Variants in TOP2B observed in about 807,000 individuals in gnomAD.
TOP2B encodes DNA topoisomerase II beta, also known as DNA topoisomerase 2-beta.
In TOP2B, 51 loss-of-function variants were observed where a neutral mutation model predicts 193.5. The ratio of observed to expected loss-of-function variants is 0.26; its 90% confidence interval spans 0.21 to 0.33. The LOEUF (loss-of-function observed/expected upper bound fraction) is 0.33, where lower values mean the gene tolerates loss of function less well. TOP2B is among the 10% of genes least tolerant of loss of function. The pLI is 1.00. For missense variants in TOP2B, 1,378 were observed against 1,909.3 expected (o/e 0.72, Z 5.19); for synonymous variants, 634 against 635.7 (o/e 1.00, Z 0.04).
At chr3:25,601,550 T>G (rs1702095784) in intron 33 of TOP2B, among the ~76,000 whole-genome samples, 1 of 151,630 alleles carries the variant, frequency 6.6e-6, no homozygotes, top group Admixed American at 6.6e-5. Context: ...ACCCGGGAGG[T>G]CGCAGTGAGC....
At position 25,598,102 on chromosome 3, in the gene TOP2B, A is replaced by G. The variant is rs992349305; in HGVS notation, c.*205T>C. ...TCTATAACAATTCTACAAGCCAATC[A>G]GACAGTACGTGACATTTCAATGAGT... On this transcript the variant is annotated 3_prime_UTR_variant, in exon 36 of 36. Coordinates refer to ENST00000264331, the MANE Select transcript of TOP2B (RefSeq NM_001330700.2). The G allele has an allele frequency of 8.3e-5, 35 of 419,896 alleles. No homozygotes were observed. Among genetic ancestry groups the G allele is most frequent in the Admixed American group, 4.7e-4 (11 of 23,610 alleles). The allele number at this position is 419,896 out of a possible 1,614,324, so 26.0% of individuals were successfully genotyped here. A position where few individuals can be genotyped will look rare whatever the true frequency, so the allele number is the denominator to read the frequency against.
intron 28 of TOP2B, 113 bp from the exon 29 acceptor site, chr3:25,609,825 G>T: frequency 1.9e-6 from 2 of 1,064,996 alleles, no homozygotes; most frequent in Non-Finnish European, 2.5e-6. Flanking sequence ...TAAAAACAGT[G>T]ATTCTGATGA....
chr3:25,604,517 A>T (rs1559491007), intron 33 of TOP2B, among the ~76,000 whole-genome samples: 1 of 152,222 alleles, frequency 6.6e-6, no homozygotes, highest in Non-Finnish European at 1.5e-5. Context: ...TTTTGTAGAA[A>T]GCTATCTTTA....
rs549547888 is a variant in TOP2B, at chr3:25,599,493, C to A, written c.4652G>T (p.Gly1551Val). The A allele has an allele frequency of 1.2e-6, 2 of 1,613,538 alleles. No homozygotes were observed. Among genetic ancestry groups the A allele is most frequent in the South Asian group, 2.2e-5 (2 of 90,990 alleles). ...GRGAKKRKAS[G>V]SENEGDYNPG... ...GTTATAATCGCCTTCATTTTCAGAG[C>A]CAGATGCTTTCCTTTTCTTTGCCCC... The change falls in exon 35 of 36, where the codon GGC (glycine) becomes GTC (valine). Residue 1551 changes from glycine to valine, a missense_variant. This residue lies in a region of TOP2B where 556 missense variants were observed against 584.2 expected (regional missense o/e 0.95). Transcript: ENST00000264331.
chr3:25,652,310 T>C (rs1432003920), intron 1 of TOP2B, among the ~76,000 whole-genome samples: 1 of 152,122 alleles, frequency 6.6e-6, no homozygotes, highest in Non-Finnish European at 1.5e-5. Context: ...TGAACAACAC[T>C]ATAGACCAAT....
chr3:25,663,379 T>A (rs1045860517), intron 1 of TOP2B, among the ~76,000 whole-genome samples: 1 of 152,214 alleles, frequency 6.6e-6, no homozygotes, highest in African/African-American at 2.4e-5. Flanking sequence ...CTAGGTTTTC[T>A]GTATAGGAAA....
chr3:25,663,008 T>G (rs190809854), intron 1 of TOP2B, among the ~76,000 whole-genome samples: 1 of 152,230 alleles, frequency 6.6e-6, no homozygotes, highest in Non-Finnish European at 1.5e-5. Flanking sequence ...TATCTGACAT[T>G]TTCTCTCCTG....
chr3:25,602,066 C>G (rs1702108850), intron 33 of TOP2B, among the ~76,000 whole-genome samples: 1 of 151,956 alleles, frequency 6.6e-6, no homozygotes, highest in South Asian at 2.1e-4. Flanking sequence ...AAAAATAGAC[C>G]TTGTTTTACA....
At chr3:25,611,970 C>T (rs1702382980) in intron 28 of TOP2B, among the ~76,000 whole-genome samples, 1 of 151,454 alleles carries the variant, frequency 6.6e-6, no homozygotes, top group Non-Finnish European at 1.5e-5. Flanking sequence ...GAGATGGAGT[C>T]TCACTCTTGT....
chr3:25,609,795 G>T (rs918335567), intron 28 of TOP2B, 83 bp from the exon 29 acceptor site: 1 of 1,324,768 alleles, frequency 7.5e-7, no homozygotes. Context: ...AACAGATAGC[G>T]CCTTCAAATC....
At chr3:25,613,825 G>C (rs1198553662) in intron 27 of TOP2B, among the ~76,000 whole-genome samples, 3 of 152,112 alleles carry the variant, frequency 2.0e-5, no homozygotes, top group African/African-American at 7.2e-5. Context: ...GATGAGGAAA[G>C]TGGGTGTCTG....
Position 25,598,050 on chromosome 3 carries a change from A to G in TOP2B, c.*257T>C, listed in dbSNP as rs529364831. 6 of 269,100 alleles carry G rather than the reference A, an allele frequency of 2.2e-5. No homozygotes were observed. Among genetic ancestry groups the G allele is most frequent in the Non-Finnish European group, 4.2e-5 (6 of 144,536 alleles). 16.7% of individuals were successfully genotyped at this position (269,100 alleles called of 1,614,324 possible). A position where few individuals can be genotyped will look rare whatever the true frequency, so the allele number is the denominator to read the frequency against. On this transcript the variant is annotated 3_prime_UTR_variant, in exon 36 of 36. Coordinates refer to ENST00000264331, the MANE Select transcript of TOP2B (RefSeq NM_001330700.2). ...AGGTCTGTAGTTTGTAACCATGACA[A>G]TTAAAATCTGTGCTAATGCACGGCA... is the stretch of plus-strand genomic sequence containing the variant.
chr3:25,647,383 G>C (rs972816966), intron 1 of TOP2B, among the ~76,000 whole-genome samples: 3 of 152,048 alleles, frequency 2.0e-5, no homozygotes, highest in East Asian at 3.8e-4. Context: ...CTATGGAATC[G>C]AAAGTAGGTA....
chr3:25,616,008 TAC>T (rs1702494799), intron 25 of TOP2B: 1 of 152,312 alleles, frequency 6.6e-6, no homozygotes, highest in Admixed American at 6.5e-5. Flanking sequence ...AAAATTATTT[TAC>T]AGTTATAATA....
rs533221214 is a variant in TOP2B, at chr3:25,644,467, A to G, written c.241-683T>C. On this transcript the variant is annotated intron_variant, in intron 2 of 35. Transcript: ENST00000264331. ...TGTAATCCTAGCACTCTGGGGGGCC[A>G]AGGTGGATGGATCACCTGAGGTCAG... Among the ~76,000 whole-genome samples the G allele has an allele frequency of 9.9e-5, 15 of 152,188 alleles. No homozygotes were observed. In the South Asian group the frequency reaches 1.2e-3, roughly 13 times the overall value.
rs1703097009 is a variant in TOP2B, at chr3:25,636,055, A to C, written c.733T>G (p.Ser245Ala). ...TCAAGTTTTTCCATCTTAAATTTGG[A>C]CAGATCTGGTTGGAATGTTATGCAT... ...YTCITFQPDL[S>A]KFKMEKLDKD... is the part of the protein sequence containing the mutation. The change falls in exon 7 of 36, where the codon TCC becomes GCC. Residue 245 changes from serine (S) to alanine (A), a missense_variant. Physicochemically the swap from Ser to Ala is moderately conservative, Grantham distance 99. This residue lies in a region of TOP2B where 222 missense variants were observed against 306.6 expected (regional missense o/e 0.72). Transcript: ENST00000264331. The C allele has an allele frequency of 6.2e-7, 1 of 1,613,188 alleles. No individual in the cohort carries two copies. The highest frequency in any genetic ancestry group is 8.5e-7 in the Non-Finnish European group (1 of 1,179,486).
intron 19 of TOP2B, 116 bp downstream of exon 19, chr3:25,624,566 T>C: frequency 6.5e-7 from 1 of 1,530,434 alleles, no homozygotes; most frequent in East Asian, 2.3e-5. Context: ...AATCTGTATA[T>C]TCTCTTAATT....
intron 33 of TOP2B, among the ~76,000 whole-genome samples, chr3:25,602,534 A>C (rs1394725701): frequency 6.6e-6 from 1 of 152,012 alleles, no homozygotes; most frequent in Non-Finnish European, 1.5e-5. Flanking sequence ...TTCTATGGAA[A>C]ATGTATTCCA....
At chr3:25,599,609 T>C (rs1239644947) in intron 34 of TOP2B, 80 bp from the exon 35 acceptor site, 1 of 1,328,968 alleles carries the variant, frequency 7.5e-7, no homozygotes, top group Non-Finnish European at 1.0e-6. Context: ...TGTAGTTTAT[T>C]TCTTTGGCAT....
Sources: allele counts gnomAD v4.1 joint callset (sites outside exome capture counted in the v4.1 genomes callset), GRCh38; gene constraint gnomAD v4.1.1; regional missense constraint gnomAD v4.1.1; transcripts MANE v1.5; gene names NCBI Gene and HGNC (gene_info 2026-07-23, HGNC 2026-07-21).